WDFY2: variants seen among roughly 807,000 people sequenced by gnomAD.
The protein encoded by WDFY2 is WD repeat and FYVE domain containing 2.
In WDFY2, 36 loss-of-function variants were observed where a neutral mutation model predicts 56.4. The observed-to-expected ratio is 0.64, with a 90% confidence interval of 0.49 to 0.84. The LOEUF (loss-of-function observed/expected upper bound fraction) is 0.84, where lower values mean the gene tolerates loss of function less well. Among genes scored for constraint, WDFY2 ranks in the 40% least tolerant of loss-of-function variants. WDFY2 has a pLI of 0.00. For synonymous variants in WDFY2, 176 were observed against 183.7 expected (o/e 0.96, Z 0.34); for missense variants, 444 against 512.2 (o/e 0.87, Z 1.29).
At position 51,660,629 on chromosome 13, in the gene WDFY2, A is replaced by G. The variant is rs1446776277; in HGVS notation, c.171A>G (p.Gly57=). 4 of 1,613,924 alleles carry G rather than the reference A, an allele frequency of 2.5e-6. No individual in the cohort carries two copies. ...GTGTTTGGTTAAAGAGAGACAGTGG[A>G]CAGTATTGGCCAAGCGTATACCATG... The part of the protein sequence containing the change: ...TVRVWLKRDS[G]QYWPSVYHAM... The change falls in exon 2 of 12, where the codon GGA becomes GGG. Residue 57 remains glycine, a synonymous_variant. Coordinates refer to ENST00000298125, the MANE Select transcript of WDFY2 (RefSeq NM_052950.4).
Position 51,666,343 on chromosome 13 carries a change from C to T in WDFY2, c.205+5680C>T, listed in dbSNP as rs1037774196. On this transcript the variant is annotated intron_variant, in intron 2 of 11. Transcript: ENST00000298125. Reference sequence around the variant, plus strand: ...ATCATCTACCTTAATGTACAGTGCCCCTTTTATGAAGGAGCAAAAAGGTGG... The same window carrying T: ...ATCATCTACCTTAATGTACAGTGCCTCTTTTATGAAGGAGCAAAAAGGTGG... Among the ~76,000 whole-genome samples the T allele has an allele frequency of 1.3e-5, 2 of 152,094 alleles. 1 individual carries two copies.
rs1952433474 is a variant in WDFY2, at chr13:51,719,226, G to A, written c.363G>A (p.Leu121=). ...ATCAGAGCAGAGTGACGATGATCCT[G>A]TTTGTCCTGGAGCTGGAGTGGGTGC... is the stretch of plus-strand genomic sequence containing the variant. ...QAHQSRVTMI[L]FVLELEWVLS... is the part of the protein sequence containing the mutation. The change falls in exon 5 of 12, where the codon CTG becomes CTA. Residue 121 remains leucine (L), a synonymous_variant. Coordinates refer to ENST00000298125, the MANE Select transcript of WDFY2 (RefSeq NM_052950.4). The A allele has an allele frequency of 2.5e-6, 4 of 1,614,100 alleles. No homozygotes were observed. Among genetic ancestry groups the A allele is most frequent in the Non-Finnish European group, 2.5e-6 (3 of 1,180,048 alleles).
At chr13:51,687,232 A>G (rs1261381886) in intron 3 of WDFY2, among the ~76,000 whole-genome samples, 2 of 151,930 alleles carry the variant, frequency 1.3e-5, no homozygotes, top group Non-Finnish European at 2.9e-5. Flanking sequence ...TGTGCCAGGC[A>G]GTGTTCTAGG....
chr13:51,671,279 A>G (rs1015874914), intron 2 of WDFY2, among the ~76,000 whole-genome samples: 1 of 152,190 alleles, frequency 6.6e-6, no homozygotes, highest in Non-Finnish European at 1.5e-5. Context: ...TAGTTATTTA[A>G]GGAATCTCCA....
At chr13:51,650,179 A>G (rs1223127547) in intron 1 of WDFY2, among the ~76,000 whole-genome samples, 1 of 152,032 alleles carries the variant, frequency 6.6e-6, no homozygotes, top group East Asian at 1.9e-4. Flanking sequence ...TCTTTGAAGC[A>G]ATTGTGAATG....
chr13:51,666,490 C>G (rs1278547890), intron 2 of WDFY2, among the ~76,000 whole-genome samples: 4 of 152,162 alleles, frequency 2.6e-5, no homozygotes, highest in African/African-American at 7.2e-5. Flanking sequence ...GAGAACTGAT[C>G]CCCTTAGCTG....
chr13:51,756,260 G>A (rs887899674), intron 9 of WDFY2, 72 bp from the exon 10 acceptor site: 10 of 1,547,100 alleles, frequency 6.5e-6, no homozygotes, highest in Non-Finnish European at 7.0e-6. Flanking sequence ...TCTCTGCCAG[G>A]AGGGGTGAGA....
At chr13:51,661,879 T>G (rs961721007) in intron 2 of WDFY2, among the ~76,000 whole-genome samples, 1 of 152,210 alleles carries the variant, frequency 6.6e-6, no homozygotes, top group Non-Finnish European at 1.5e-5. Flanking sequence ...CAAGCTGAAC[T>G]TTCTTTTTAA....
chr13:51,623,908 C>G (rs1954791144), intron 1 of WDFY2, among the ~76,000 whole-genome samples: 1 of 151,870 alleles, frequency 6.6e-6, no homozygotes, highest in Admixed American at 6.6e-5. Context: ...TGTGTCTCCA[C>G]ACCATCCCTG....
At chr13:51,643,557 A>C (rs1955214231) in intron 1 of WDFY2, among the ~76,000 whole-genome samples, 2 of 152,302 alleles carry the variant, frequency 1.3e-5, no homozygotes, top group South Asian at 4.1e-4. Flanking sequence ...GTATTGATGA[A>C]CACTCTCATA....
intron 1 of WDFY2, among the ~76,000 whole-genome samples, chr13:51,658,419 AC>A: frequency 1.3e-5 from 2 of 152,172 alleles, no homozygotes; most frequent in African/African-American, 4.8e-5. Flanking sequence ...AATCAAACAC[AC>A]CCCCTACAAA....
In WDFY2 at chr13:51,764,325, A is replaced by C. The variant is rs978163582; in HGVS notation, c.*4556A>C. 4 of 152,442 alleles carry C rather than the reference A, an allele frequency of 2.6e-5. No homozygotes were observed. The highest frequency in any genetic ancestry group is 9.6e-5 in the African/African-American group (4 of 41,462). 9.4% of individuals were successfully genotyped at this position (152,442 alleles called of 1,614,324 possible). ...GATAGAGGCATGCCAGGGTGCCACT[A>C]ACCCAGCAGGTGTGGCAGGAGGGGC... On this transcript the variant is annotated 3_prime_UTR_variant, in exon 12 of 12. Transcript: ENST00000298125.
At chr13:51,675,370 T>C in intron 3 of WDFY2, 127 bp downstream of exon 3, 1 of 804,312 alleles carries the variant, frequency 1.2e-6, no homozygotes, top group Non-Finnish European at 2.0e-6. Context: ...AATTGCAGCG[T>C]AGCAAATTAT....
intron 6 of WDFY2, among the ~76,000 whole-genome samples, chr13:51,730,754 G>A (rs1421109034): frequency 6.6e-6 from 1 of 152,226 alleles, no homozygotes; most frequent in Non-Finnish European, 1.5e-5. Flanking sequence ...AAACAACTGA[G>A]AAGAGTATCT....
At chr13:51,658,037 A>T (rs1015755949) in intron 1 of WDFY2, among the ~76,000 whole-genome samples, 9 of 151,882 alleles carry the variant, frequency 5.9e-5, no homozygotes, top group Admixed American at 5.9e-4. Flanking sequence ...TTTTCTTTGT[A>T]TACTTTGCAA....
intron 3 of WDFY2, among the ~76,000 whole-genome samples, chr13:51,678,196 A>T (rs925119437): frequency 6.6e-6 from 1 of 152,096 alleles, no homozygotes; most frequent in African/African-American, 2.4e-5. Context: ...GCTATGTTGT[A>T]TTGTGTATTT....
At chr13:51,590,010 A>G (rs952075108) in intron 1 of WDFY2, 6 of 152,136 alleles carry the variant, frequency 3.9e-5, no homozygotes, top group Non-Finnish European at 5.9e-5. Context: ...AAAGATCACT[A>G]TGGGAAAGCT....
chr13:51,659,597 A>G (rs1258050029), intron 1 of WDFY2, among the ~76,000 whole-genome samples: 3 of 152,212 alleles, frequency 2.0e-5, no homozygotes, highest in African/African-American at 4.8e-5. Context: ...TTGTTTGGTC[A>G]GAACATCATG....
At chr13:51,708,306 A>AC (rs1190064021) in intron 4 of WDFY2, among the ~76,000 whole-genome samples, 1 of 140,210 alleles carries the variant, frequency 7.1e-6, no homozygotes, top group Non-Finnish European at 1.5e-5. Flanking sequence ...AGCCTGGGCA[A>AC]CACAGCAAGA....
Sources: allele counts gnomAD v4.1 joint callset (sites outside exome capture counted in the v4.1 genomes callset), GRCh38; gene constraint gnomAD v4.1.1; transcripts MANE v1.5; gene names NCBI Gene and HGNC (gene_info 2026-07-23, HGNC 2026-07-21).